Variants in FAM47C observed in about 807,000 individuals in gnomAD.
FAM47C encodes the protein family with sequence similarity 47 member C, also known as putative protein FAM47C.
For synonymous variants in FAM47C, 307 were observed against 346.5 expected (o/e 0.89, Z 1.27); for missense variants, 847 against 879.9 (o/e 0.96, Z 0.47).
chrX:37,008,947 T>C lies in FAM47C; in HGVS notation c.537T>C (p.Gly179=). The change falls in exon 1 of 1, where the codon GGT becomes GGC. Residue 179 remains glycine, a synonymous_variant. Coordinates refer to ENST00000358047, the MANE Select transcript of FAM47C (RefSeq NM_001013736.3). ...CAACTGACGAACCCACGGAGCCTGGTAAATACCCCTGTGGGGAATTCTCCC... is the reference window on the plus strand; with the variant it reads ...CAACTGACGAACCCACGGAGCCTGGCAAATACCCCTGTGGGGAATTCTCCC... ...EKTTDEPTEP[G]KYPCGEFSPR... 2 of 1,211,620 alleles carry C rather than the reference T, an allele frequency of 1.7e-6. No individual in the cohort carries two copies. Among genetic ancestry groups the C allele is most frequent in the Non-Finnish European group, 2.2e-6 (2 of 895,266 alleles).
In FAM47C at chrX:37,011,447, A is replaced by G. The variant is rs782337465; in HGVS notation, c.3037A>G (p.Thr1013Ala). Residue 1013 changes from threonine to alanine, a missense_variant, in exon 1 of 1, where the codon ACT (threonine) becomes GCT (alanine). Coordinates refer to ENST00000358047, the MANE Select transcript of FAM47C (RefSeq NM_001013736.3). ...RRGWTYDSVK[T>A]PIQRAMQVYK... is the part of the protein sequence containing the mutation. ...GGGATGGACTTATGACTCTGTTAAGACTCCTATTCAACGTGCAATGCAAGT... is the reference window on the plus strand; with the variant it reads ...GGGATGGACTTATGACTCTGTTAAGGCTCCTATTCAACGTGCAATGCAAGT... The G allele has an allele frequency of 9.9e-6, 12 of 1,209,029 alleles. No homozygotes were observed. The highest frequency in any genetic ancestry group is 1.3e-5 in the Non-Finnish European group (12 of 894,468).
At position 37,009,639 on chromosome X, in the gene FAM47C, G is replaced by T. The variant is rs782267927; in HGVS notation, c.1229G>T (p.Arg410Leu). 3.3e-6 allele frequency: 4 copies of T among 1,201,864 alleles called. No homozygotes were observed. The African/African-American group carries it at 7.4e-5, about 22-fold the overall frequency. ...SPLFPEPPKTRISNLRSEPPK... is the reference protein window; with the variant it reads ...SPLFPEPPKTLISNLRSEPPK... Reference sequence around the variant, plus strand: ...CTCTTCCCGGAGCCTCCCAAGACTCGCATATCTAATCTCCGCTCGGAGCCT... The same window carrying T: ...CTCTTCCCGGAGCCTCCCAAGACTCTCATATCTAATCTCCGCTCGGAGCCT... The change falls in exon 1 of 1, where the codon CGC becomes CTC. Residue 410 changes from arginine to leucine, a missense_variant. Arg to Leu is a moderately radical substitution (Grantham distance 102). Transcript: ENST00000358047.
Position 37,010,447 on chromosome X carries a change from C to G in FAM47C, c.2037C>G (p.Cys679Trp). Residue 679 changes from cysteine to tryptophan, a missense_variant, in exon 1 of 1, where the codon TGC (cysteine) becomes TGG (tryptophan). Physicochemically the swap from Cys to Trp is radical, Grantham distance 215. Transcript: ENST00000358047. ...EPPETGVSHL[C>W]PEPPETRVSH... The stretch of plus-strand genomic sequence containing the variant: ...CCGAGACTGGAGTGTCCCATCTCTG[C>G]CCGGAGCCTCCAGAGACTCGCGTAT... 2.5e-6 allele frequency: 3 copies of G among 1,193,143 alleles called. No homozygotes were observed. The highest frequency in any genetic ancestry group is 3.4e-6 in the Non-Finnish European group (3 of 887,682).
rs1458505872 is a variant in FAM47C, at chrX:37,008,529, T to C, written c.119T>C (p.Phe40Ser). Residue 40 changes from phenylalanine to serine, a missense_variant, in exon 1 of 1, where the codon TTC (phenylalanine) becomes TCC (serine). Transcript: ENST00000358047. ...AAGCGCAAGCACAGGCGCCTGAGGT[T>C]CCCGCCTGTGGACACCCAGAACTGG... ...FAKRKHRRLR[F>S]PPVDTQNWVF... 3.3e-6 allele frequency: 4 copies of C among 1,211,368 alleles called. No homozygotes were observed. Among genetic ancestry groups the C allele is most frequent in the Non-Finnish European group, 4.5e-6 (4 of 895,412 alleles).
rs113759376 is a variant in FAM47C at position 37,009,155 on chromosome X, G to C, written c.745G>C (p.Glu249Gln). Residue 249 changes from glutamate (E) to glutamine (Q), a missense_variant, in exon 1 of 1, where the codon GAG becomes CAG. Physicochemically the swap from Glu to Gln is conservative, Grantham distance 29. Coordinates refer to ENST00000358047, the MANE Select transcript of FAM47C (RefSeq NM_001013736.3). Reference sequence around the variant, plus strand: ...GACTGGAGTGTCCCATCTCCGCCCAGAGCCTCCCAAGACTCAGGTGTCCAG... The same window carrying C: ...GACTGGAGTGTCCCATCTCCGCCCACAGCCTCCCAAGACTCAGGTGTCCAG... ...PETGVSHLRP[E>Q]PPKTQVSSLH... is the part of the protein sequence containing the mutation. 1.5e-5 allele frequency: 18 copies of C among 1,205,505 alleles called. No individual in the cohort carries two copies. Among genetic ancestry groups the C allele is most frequent in the South Asian group, 1.1e-4 (6 of 56,416 alleles).
In FAM47C at chrX:37,010,793, C is replaced by T. The variant is rs140378751; in HGVS notation, c.2383C>T (p.Arg795Ter). ...SLHLEPPKTR[R>*]VSSLRLEPPK... ...CCACCTGGAGCCTCCCAAGACTCGT[C>T]GAGTGTCCAGTCTCCGCCTGGAGCC... The change falls in exon 1 of 1, where the codon CGA (arginine) becomes TGA (stop). Residue 795 changes from arginine to a stop codon, truncating the protein, a stop_gained. Transcript: ENST00000358047. LOFTEE classifies it low-confidence loss of function (END_TRUNC). 188 of 1,207,328 alleles carry T rather than the reference C, an allele frequency of 1.6e-4. No individual in the cohort carries two copies. The highest frequency in any genetic ancestry group is 1.0e-3 in the South Asian group (57 of 56,598).
chrX:37,010,512 G>C lies in FAM47C; in HGVS notation c.2102G>C (p.Arg701Pro), dbSNP rs1411846725. The change falls in exon 1 of 1, where the codon CGT (arginine) becomes CCT (proline). Residue 701 changes from arginine to proline, a missense_variant. Transcript: ENST00000358047. Reference sequence around the variant, plus strand: ...GAGCCTCCTGAGACTGGAGTGTCCCGTCTCCACCCAGAGCCTCCCAAGACT... The same window carrying C: ...GAGCCTCCTGAGACTGGAGTGTCCCCTCTCCACCCAGAGCCTCCCAAGACT... ...RPEPPETGVS[R>P]LHPEPPKTRV... is the part of the protein sequence containing the mutation. 156 of 1,124,468 alleles carry C rather than the reference G, an allele frequency of 1.4e-4. 1 individual carries two copies. In the East Asian group the frequency reaches 4.9e-3, roughly 35 times the overall value. The allele number at this position is 1,124,468 out of a possible 1,213,427, so 92.7% of individuals were successfully genotyped here.
rs781979135 is a variant in FAM47C at position 37,010,684 on chromosome X, C to T, written c.2274C>T (p.Arg758=). Residue 758 remains arginine (R), a synonymous_variant, in exon 1 of 1, where the codon CGC becomes CGT. Transcript: ENST00000358047. The stretch of plus-strand genomic sequence containing the variant: ...TCCGCCCAGAGCCTCTTGAGACTCG[C>T]GTATCTCATCTCCGCCCGGAGCCTC... ...SSLRPEPLET[R]VSHLRPEPPE... 8 of 1,200,103 alleles carry T rather than the reference C, an allele frequency of 6.7e-6. No individual in the cohort carries two copies. The East Asian group carries it at 1.8e-4, about 27-fold the overall frequency.
Position 37,011,317 on chromosome X carries a change from A to G in FAM47C, c.2907A>G (p.Glu969=). Residue 969 remains glutamate, a synonymous_variant, in exon 1 of 1, where the codon GAA becomes GAG. Transcript: ENST00000358047. ...DPKLVLEKPD[E]PDILDGLYGP... ...AGCTCGTACTTGAAAAGCCTGATGA[A>G]CCCGACATTCTTGACGGTCTTTATG... 1 of 1,209,878 alleles carries G rather than the reference A, an allele frequency of 8.3e-7. No individual in the cohort carries two copies. The highest frequency in any genetic ancestry group is 1.7e-5 in the African/African-American group (1 of 57,621).
chrX:37,011,597 C>T lies in FAM47C; in HGVS notation c.*79C>T. The stretch of plus-strand genomic sequence containing the variant: ...CAGTCAGAATTTATGATGACTGGCC[C>T]CAGGAATGTACAACGTTGGCAACAT... On this transcript the variant is annotated 3_prime_UTR_variant, in exon 1 of 1. Transcript: ENST00000358047. The T allele has an allele frequency of 2.2e-6, 2 of 911,129 alleles. No individual in the cohort carries two copies. Among genetic ancestry groups the T allele is most frequent in the South Asian group, 5.8e-5 (2 of 34,582 alleles). The allele number at this position is 911,129 out of a possible 1,213,427, so 75.1% of individuals were successfully genotyped here.
In FAM47C at chrX:37,011,620, C is replaced by T; in HGVS notation, c.*102C>T. On this transcript the variant is annotated 3_prime_UTR_variant, in exon 1 of 1. Coordinates refer to ENST00000358047, the MANE Select transcript of FAM47C (RefSeq NM_001013736.3). ...CCCCAGGAATGTACAACGTTGGCAA[C>T]ATCTGTAAATTCAATACCTAATGTT... 1 of 750,026 alleles carries T rather than the reference C, an allele frequency of 1.3e-6. No homozygotes were observed. 61.8% of individuals were successfully genotyped at this position (750,026 alleles called of 1,213,427 possible).
In FAM47C at chrX:37,009,452, G is replaced by C. The variant is rs139443110; in HGVS notation, c.1042G>C (p.Glu348Gln). The C allele has an allele frequency of 1.1e-4, 130 of 1,204,125 alleles. No individual in the cohort carries two copies. The highest frequency in any genetic ancestry group is 1.0e-4 in the Non-Finnish European group (91 of 893,411). The change falls in exon 1 of 1, where the codon GAG (glutamate) becomes CAG (glutamine). Residue 348 changes from glutamate to glutamine, a missense_variant. By Grantham distance (29) the Glu-to-Gln change is conservative. Transcript: ENST00000358047. ...GTCCAGTCTCCACCCAGAGCCTCCC[G>C]AGACTGGAGTGTCCCATCTCTGCCC... ...LVSSLHPEPPETGVSHLCPEP... is the reference protein window; with the variant it reads ...LVSSLHPEPPQTGVSHLCPEP...
In FAM47C at chrX:37,009,603, G is replaced by T; in HGVS notation, c.1193G>T (p.Gly398Val). The change falls in exon 1 of 1, where the codon GGA becomes GTA. Residue 398 changes from glycine to valine, a missense_variant. By Grantham distance (109) the Gly-to-Val change is moderately radical. Transcript: ENST00000358047. The part of the protein sequence containing the change: ...PPLRPETPKN[G>V]VSPLFPEPPK... ...CTCCGCCCAGAGACCCCCAAGAATG[G>T]AGTGTCTCCTCTCTTCCCGGAGCCT... 8.3e-7 allele frequency: 1 copy of T among 1,207,903 alleles called. No individual in the cohort carries two copies. The highest frequency in any genetic ancestry group is 1.1e-6 in the Non-Finnish European group (1 of 894,317).
At position 37,010,375 on chromosome X, in the gene FAM47C, C is replaced by T; in HGVS notation, c.1965C>T (p.Cys655=). The T allele has an allele frequency of 8.5e-7, 1 of 1,179,407 alleles. No individual in the cohort carries two copies. Among genetic ancestry groups the T allele is most frequent in the Middle Eastern group, 2.4e-4 (1 of 4,243 alleles). The change falls in exon 1 of 1, where the codon TGC becomes TGT. Residue 655 remains cysteine (C), a synonymous_variant. Transcript: ENST00000358047. The stretch of plus-strand genomic sequence containing the variant: ...CCAATACTGGAGTGTCCCATCTCTG[C>T]CCAGAGCCTCCCAAGACTCGGGTGT... ...EPPNTGVSHL[C]PEPPKTRVSS...
At position 37,011,107 on chromosome X, in the gene FAM47C, C is replaced by T; in HGVS notation, c.2697C>T (p.Tyr899=). 2 of 1,211,817 alleles carry T rather than the reference C, an allele frequency of 1.7e-6. No individual in the cohort carries two copies. Among genetic ancestry groups the T allele is most frequent in the South Asian group, 1.8e-5 (1 of 56,984 alleles). The part of the protein sequence containing the change: ...KANECSSGLK[Y]SMELDEMDEV... ...ACGAGTGTTCCTCAGGGCTGAAGTA[C>T]AGCATGGAGCTAGACGAAATGGATG... is the stretch of plus-strand genomic sequence containing the variant. Residue 899 remains tyrosine, a synonymous_variant, in exon 1 of 1, where the codon TAC becomes TAT. Transcript: ENST00000358047.
chrX:37,009,352 C>G lies in FAM47C; in HGVS notation c.942C>G (p.Arg314=). 8.3e-7 allele frequency: 1 copy of G among 1,201,241 alleles called. No individual in the cohort carries two copies. Among genetic ancestry groups the G allele is most frequent in the African/African-American group, 1.8e-5 (1 of 54,248 alleles). ...PDLCLEPPKS[R]VSHLRPEPSE... ...TCTGCCTGGAGCCTCCCAAGTCACG[C>G]GTATCTCATCTCCGCCCAGAGCCTT... Residue 314 remains arginine (R), a synonymous_variant, in exon 1 of 1, where the codon CGC becomes CGG. Transcript: ENST00000358047.
rs782455628 is a variant in FAM47C at position 37,008,961 on chromosome X, G to C, written c.551G>C (p.Gly184Ala). 8.3e-7 allele frequency: 1 copy of C among 1,211,616 alleles called. No individual in the cohort carries two copies. Among genetic ancestry groups the C allele is most frequent in the Non-Finnish European group, 1.1e-6 (1 of 895,278 alleles). Residue 184 changes from glycine to alanine, a missense_variant, in exon 1 of 1, where the codon GGG (glycine) becomes GCG (alanine). Physicochemically the swap from Gly to Ala is moderately conservative, Grantham distance 60. Coordinates refer to ENST00000358047, the MANE Select transcript of FAM47C (RefSeq NM_001013736.3). Reference sequence around the variant, plus strand: ...ACGGAGCCTGGTAAATACCCCTGTGGGGAATTCTCCCCTCGGCCTCCCGAG... The same window carrying C: ...ACGGAGCCTGGTAAATACCCCTGTGCGGAATTCTCCCCTCGGCCTCCCGAG... ...EPTEPGKYPC[G>A]EFSPRPPETR...
At position 37,009,312 on chromosome X, in the gene FAM47C, C is replaced by A. The variant is rs781870659; in HGVS notation, c.902C>A (p.Thr301Asn). The A allele has an allele frequency of 8.3e-7, 1 of 1,208,798 alleles. No individual in the cohort carries two copies. Among genetic ancestry groups the A allele is most frequent in the South Asian group, 1.8e-5 (1 of 56,756 alleles). Residue 301 changes from threonine to asparagine, a missense_variant, in exon 1 of 1, where the codon ACT becomes AAT. Physicochemically the swap from Thr to Asn is moderately conservative, Grantham distance 65 (BLOSUM62 0). Transcript: ENST00000358047. ...VSHLHREPPETGVPDLCLEPP... is the reference protein window; with the variant it reads ...VSHLHREPPENGVPDLCLEPP... ...CATCTCCATCGGGAGCCTCCTGAGACTGGAGTGCCTGATCTCTGCCTGGAG... is the reference window on the plus strand; with the variant it reads ...CATCTCCATCGGGAGCCTCCTGAGAATGGAGTGCCTGATCTCTGCCTGGAG...
chrX:37,009,174 T>A lies in FAM47C; in HGVS notation c.764T>A (p.Val255Glu), dbSNP rs1188248747. Residue 255 changes from valine (V) to glutamate (E), a missense_variant, in exon 1 of 1, where the codon GTG becomes GAG. By Grantham distance (121) the Val-to-Glu change is moderately radical (BLOSUM62 -2). Transcript: ENST00000358047. ...HLRPEPPKTQ[V>E]SSLHLEPPET... ...CGCCCAGAGCCTCCCAAGACTCAGGTGTCCAGTCTCCACCTGGAGCCTCCC... is the reference window on the plus strand; with the variant it reads ...CGCCCAGAGCCTCCCAAGACTCAGGAGTCCAGTCTCCACCTGGAGCCTCCC... 2.5e-6 allele frequency: 3 copies of A among 1,206,410 alleles called. No individual in the cohort carries two copies. Among genetic ancestry groups the A allele is most frequent in the Non-Finnish European group, 3.4e-6 (3 of 894,053 alleles).
Sources: allele counts gnomAD v4.1 joint callset, GRCh38; gene constraint gnomAD v4.1.1; transcripts MANE v1.5; gene names NCBI Gene and HGNC (gene_info 2026-07-23, HGNC 2026-07-21).